The following SNTG2 variants were observed in gnomAD, a reference collection of about 807,000 sequenced individuals.
SNTG2 encodes syntrophin gamma 2, also known as gamma-2-syntrophin.
Under a neutral mutation model 70.9 loss-of-function variants are expected in SNTG2, and 74 were observed. The ratio of observed to expected loss-of-function variants is 1.04; its 90% confidence interval spans 0.86 to 1.27. The LOEUF (loss-of-function observed/expected upper bound fraction) is 1.27, where lower values mean the gene tolerates loss of function less well. Ranked by LOEUF, SNTG2 falls within the 50% of genes most tolerant of loss-of-function variation. The probability of loss-of-function intolerance (pLI) is 0.00; values close to 1 mark genes in which losing one functional copy is unlikely to be tolerated. For synonymous variants in SNTG2, 278 were observed against 273.8 expected, an observed-to-expected ratio of 1.02 and a Z score of -0.15; for missense variants, 717 against 690.7, an observed-to-expected ratio of 1.04 and a Z score of -0.43.
intron 1 of SNTG2, among the ~76,000 whole-genome samples, chr2:983,082 G>T (rs1006579742): frequency 6.6e-6 from 1 of 151,538 alleles, no homozygotes; most frequent in Non-Finnish European, 1.5e-5. Flanking sequence ...AGAGGTGGAG[G>T]TTGGGATGAA....
chr2:1,177,296 G>A (rs1319426296), intron 8 of SNTG2, among the ~76,000 whole-genome samples: 6 of 151,966 alleles, frequency 3.9e-5, no homozygotes, highest in African/African-American at 1.5e-4. Flanking sequence ...ACATGGAGGG[G>A]AACAGCACAC....
chr2:1,365,090 T>C (rs996981841), intron 16 of SNTG2, among the ~76,000 whole-genome samples: 3 of 12,620 alleles, frequency 2.4e-4, no homozygotes, highest in East Asian at 0.05. Flanking sequence ...CTACTTGGTT[T>C]TTTTTTTTTC....
At chr2:1,280,700 G>T (rs972288824) in intron 14 of SNTG2, among the ~76,000 whole-genome samples, 1 of 152,224 alleles carries the variant, frequency 6.6e-6, no homozygotes. Flanking sequence ...AGCCACTGAA[G>T]CAAATTACGA....
In SNTG2 at chr2:1,179,834, A is replaced by C. The variant is rs1021865750; in HGVS notation, c.591+6651A>C. Among the ~76,000 whole-genome samples, 11 of 144,182 alleles carry C rather than the reference A, an allele frequency of 7.6e-5. 1 individual carries two copies. The highest frequency in any genetic ancestry group is 3.7e-4 in the Admixed American group (5 of 13,652). The allele number at this position is 144,182 out of a possible 152,430, so 94.6% of individuals were successfully genotyped here. A position where few individuals can be genotyped will look rare whatever the true frequency, so the allele number is the denominator to read the frequency against. On this transcript the variant is annotated intron_variant, in intron 8 of 16. Coordinates refer to ENST00000308624, the MANE Select transcript of SNTG2 (RefSeq NM_018968.4). ...TCAAACTATACTACAAGGCTACAGT[A>C]ACCAAAACAGCATGGTACTGGTACC...
At chr2:1,133,926 T>C (rs1185885667) in intron 4 of SNTG2, among the ~76,000 whole-genome samples, 18 of 152,186 alleles carry the variant, frequency 1.2e-4, no homozygotes, top group Non-Finnish European at 1.5e-5. Flanking sequence ...GCGGTGAGTG[T>C]TACAGTAAAG....
intron 16 of SNTG2, chr2:1,341,376 T>C (rs1190549307): frequency 6.6e-6 from 1 of 152,228 alleles, no homozygotes; most frequent in Non-Finnish European, 1.5e-5. Context: ...AAATGTGAAC[T>C]CAGAGGGTCC....
chr2:1,256,796 G>C (rs62108693), intron 12 of SNTG2, among the ~76,000 whole-genome samples: 1 of 152,010 alleles, frequency 6.6e-6, no homozygotes, highest in Non-Finnish European at 1.5e-5. Flanking sequence ...CCTGAGCTGC[G>C]TGTCAGCAGG....
intron 6 of SNTG2, among the ~76,000 whole-genome samples, chr2:1,164,784 AC>A (rs2147858093): frequency 6.6e-6 from 1 of 151,786 alleles, no homozygotes; most frequent in South Asian, 2.1e-4. Context: ...ACTTGCCCAA[AC>A]TGTTGGCAGG....
intron 6 of SNTG2, among the ~76,000 whole-genome samples, chr2:1,157,286 C>G (rs1047656538): frequency 6.6e-6 from 1 of 152,174 alleles, no homozygotes. Flanking sequence ...TGGCTCTACC[C>G]CTGACCCCTG....
intron 1 of SNTG2, among the ~76,000 whole-genome samples, chr2:1,063,750 A>C (rs1340687249): frequency 6.6e-6 from 1 of 152,218 alleles, no homozygotes; most frequent in Non-Finnish European, 1.5e-5. Flanking sequence ...CAACAGAAAC[A>C]CATGGGGGAA....
rs748359076 is a variant in SNTG2, at chr2:1,367,386, A to G, written c.1532A>G (p.His511Arg). The change falls in exon 17 of 17, where the codon CAC becomes CGC. Residue 511 changes from histidine (H) to arginine (R), a missense_variant. By Grantham distance (29) the His-to-Arg change is conservative (BLOSUM62 0). Transcript: ENST00000308624. The part of the protein sequence containing the change: ...QDLRAVLHCI[H>R]SFIAAKVASV... ...CTGAGGGCTGTCCTGCACTGCATCC[A>G]CTCCTTCATAGCAGCCAAGGTGGCC... 9.7e-6 allele frequency: 15 copies of G among 1,551,386 alleles called. No individual in the cohort carries two copies. In the Middle Eastern group the frequency reaches 2.0e-3, roughly 207 times the overall value.
chr2:1,088,238 T>G (rs1016205757), intron 2 of SNTG2, among the ~76,000 whole-genome samples: 3 of 152,218 alleles, frequency 2.0e-5, no homozygotes, highest in African/African-American at 7.2e-5. Flanking sequence ...GTTGATAACT[T>G]TATTGACAAA....
At chr2:1,328,942 C>T (rs2148281343) in intron 16 of SNTG2, among the ~76,000 whole-genome samples, 1 of 152,116 alleles carries the variant, frequency 6.6e-6, no homozygotes, top group East Asian at 1.9e-4. Flanking sequence ...TTCACACATG[C>T]ACATATACAC....
chr2:1,233,863 G>C (rs1676428248), intron 9 of SNTG2, among the ~76,000 whole-genome samples: 1 of 152,086 alleles, frequency 6.6e-6, no homozygotes, highest in Non-Finnish European at 1.5e-5. Context: ...ACTTCCCCAT[G>C]GATGGCGAGT....
At chr2:1,357,673 A>G (rs1660924723) in intron 16 of SNTG2, among the ~76,000 whole-genome samples, 1 of 151,670 alleles carries the variant, frequency 6.6e-6, no homozygotes, top group Non-Finnish European at 1.5e-5. Flanking sequence ...AATGTTTTTG[A>G]TTACTGATTC....
chr2:1,053,541 C>T (rs546975474), intron 1 of SNTG2, among the ~76,000 whole-genome samples: 9 of 134,186 alleles, frequency 6.7e-5, no homozygotes, highest in Non-Finnish European at 1.2e-4. Context: ...TTCACGGAGA[C>T]GTAATTGTTT....
chr2:1,137,098 A>C (rs1305919036), intron 4 of SNTG2, among the ~76,000 whole-genome samples: 1 of 152,238 alleles, frequency 6.6e-6, no homozygotes, highest in East Asian at 1.9e-4. Flanking sequence ...ATGCACGTAA[A>C]TCAATCTAGC....
At chr2:977,120 T>C (rs1660931355) in intron 1 of SNTG2, among the ~76,000 whole-genome samples, 1 of 152,202 alleles carries the variant, frequency 6.6e-6, no homozygotes, top group Admixed American at 6.5e-5. Flanking sequence ...CAGGTTCTTC[T>C]CTGAAGAAAA....
At chr2:972,846 C>G (rs896159581) in intron 1 of SNTG2, among the ~76,000 whole-genome samples, 7 of 152,188 alleles carry the variant, frequency 4.6e-5, no homozygotes, top group African/African-American at 1.4e-4. Flanking sequence ...GCAGAAGCCA[C>G]TATGCTTCCT....
Sources: allele counts gnomAD v4.1 joint callset (sites outside exome capture counted in the v4.1 genomes callset), GRCh38; gene constraint gnomAD v4.1.1; transcripts MANE v1.5; gene names NCBI Gene and HGNC (gene_info 2026-07-23, HGNC 2026-07-21).